Variants in JAKMIP2 observed in about 807,000 individuals in gnomAD.
The protein encoded by JAKMIP2 is janus kinase and microtubule interacting protein 2.
In JAKMIP2, 25 loss-of-function variants were observed where a neutral mutation model predicts 115.0. The observed-to-expected ratio is 0.22, with a 90% confidence interval of 0.16 to 0.30. JAKMIP2 has a LOEUF of 0.30. JAKMIP2 is among the 10% of genes least tolerant of loss of function. JAKMIP2 has a pLI of 1.00. For missense variants in JAKMIP2, 642 were observed against 957.6 expected (o/e 0.67, Z 4.35); for synonymous variants, 334 against 343.6 (o/e 0.97, Z 0.31).
chr5:147,623,140 C>T (rs1269508573), intron 17 of JAKMIP2, among the ~76,000 whole-genome samples: 1 of 151,842 alleles, frequency 6.6e-6, no homozygotes, highest in Non-Finnish European at 1.5e-5. Context: ...GTCTCCAACT[C>T]TTGCGCTCAA....
intron 1 of JAKMIP2, among the ~76,000 whole-genome samples, chr5:147,718,590 C>T (rs972953307): frequency 1.5e-4 from 22 of 151,248 alleles, no homozygotes; most frequent in Non-Finnish European, 2.2e-4. Context: ...GTGTATGTGT[C>T]GAGGAATTTA....
At chr5:147,673,455 C>A (rs145454570) in intron 1 of JAKMIP2, among the ~76,000 whole-genome samples, 34 of 152,256 alleles carry the variant, frequency 2.2e-4, no homozygotes, top group African/African-American at 7.5e-4. Flanking sequence ...TGCTGGGATC[C>A]TGGGCTTTGT....
chr5:147,611,479 C>T lies in JAKMIP2; in HGVS notation c.2412+827G>A, dbSNP rs377166207. Reference sequence around the variant, plus strand: ...TTGCGCTTCTTGGGTGAGGCAACACCCCACCCTGCTTTGGCTTGCCCTCCG... The same window carrying T: ...TTGCGCTTCTTGGGTGAGGCAACACTCCACCCTGCTTTGGCTTGCCCTCCG... On this transcript the variant is annotated intron_variant, in intron 20 of 21. Transcript: ENST00000616793. 3.6e-4 allele frequency among the ~76,000 whole-genome samples: 55 copies of T among 152,232 alleles called. 1 individual carries two copies. The East Asian group carries it at 9.9e-3, about 27-fold the overall frequency.
chr5:147,679,869 G>A (rs893880954), intron 1 of JAKMIP2, among the ~76,000 whole-genome samples: 1 of 152,134 alleles, frequency 6.6e-6, no homozygotes, highest in Non-Finnish European at 1.5e-5. Context: ...CTACAGAGGT[G>A]GCAAAGGTGT....
rs1461320678 is a variant in JAKMIP2, at chr5:147,631,437, G to T, written c.1851C>A (p.Ile617=). 4 of 1,607,736 alleles carry T rather than the reference G, an allele frequency of 2.5e-6. No homozygotes were observed. In the Admixed American group the frequency reaches 6.7e-5, roughly 27 times the overall value. ...PFSDGVSALQ[I]YCMKEGVKDV... is the part of the protein sequence containing the mutation. ...CCTTAACACCTTCTTTCATACAGTA[G>T]ATCTGTAGAGCACTCACACCATCTG... The change falls in exon 14 of 22, where the codon ATC becomes ATA. Residue 617 remains isoleucine (I), a synonymous_variant. Coordinates refer to ENST00000616793, the MANE Select transcript of JAKMIP2 (RefSeq NM_001270941.2).
intron 1 of JAKMIP2, among the ~76,000 whole-genome samples, chr5:147,747,322 A>T (rs999798994): frequency 6.6e-6 from 1 of 152,136 alleles, no homozygotes; most frequent in Non-Finnish European, 1.5e-5. Flanking sequence ...TACAAGAAAA[A>T]TGCTTAAAAC....
At chr5:147,593,935 T>G (rs1755223517) in intron 21 of JAKMIP2, among the ~76,000 whole-genome samples, 1 of 152,228 alleles carries the variant, frequency 6.6e-6, no homozygotes, top group Non-Finnish European at 1.5e-5. Context: ...ACACAAAAAG[T>G]CTTTTACTTG....
At chr5:147,672,177 A>C (rs905880775) in intron 1 of JAKMIP2, among the ~76,000 whole-genome samples, 2 of 152,040 alleles carry the variant, frequency 1.3e-5, no homozygotes, top group Admixed American at 1.3e-4. Context: ...TGAAGCATAA[A>C]TCCTTCATCC....
At chr5:147,691,518 C>T (rs911148423) in intron 1 of JAKMIP2, among the ~76,000 whole-genome samples, 5 of 152,290 alleles carry the variant, frequency 3.3e-5, no homozygotes, top group East Asian at 3.9e-4. Context: ...CTCACCTCAC[C>T]TTTTATATGA....
intron 1 of JAKMIP2, among the ~76,000 whole-genome samples, chr5:147,754,999 G>A (rs921379349): frequency 5.3e-5 from 8 of 152,128 alleles, no homozygotes; most frequent in Middle Eastern, 3.2e-3. Flanking sequence ...TCAGTGTAAG[G>A]CTTGCAAAGT....
chr5:147,762,839 A>G (rs1754977100), intron 1 of JAKMIP2, among the ~76,000 whole-genome samples: 1 of 152,172 alleles, frequency 6.6e-6, no homozygotes, highest in Non-Finnish European at 1.5e-5. Flanking sequence ...TCCCAATGAT[A>G]TAATCCTAAC....
chr5:147,706,767 C>A (rs1362786604), intron 1 of JAKMIP2, among the ~76,000 whole-genome samples: 1 of 151,982 alleles, frequency 6.6e-6, no homozygotes, highest in African/African-American at 2.4e-5. Context: ...GATGCTCAAC[C>A]AATATACTGC....
intron 20 of JAKMIP2, among the ~76,000 whole-genome samples, chr5:147,603,495 TACC>T (rs1755822519): frequency 6.6e-6 from 1 of 152,220 alleles, no homozygotes; most frequent in African/African-American, 2.4e-5. Flanking sequence ...GGTGTTCACG[TACC>T]ACAAGGGAAG....
chr5:147,722,646 T>C (rs1355601783), intron 1 of JAKMIP2, among the ~76,000 whole-genome samples: 2 of 152,168 alleles, frequency 1.3e-5, no homozygotes, highest in Non-Finnish European at 2.9e-5. Flanking sequence ...ATGTCAGTCA[T>C]AGAAGGAAGG....
At chr5:147,770,422 T>C (rs1285316518) in intron 1 of JAKMIP2, among the ~76,000 whole-genome samples, 1 of 152,128 alleles carries the variant, frequency 6.6e-6, no homozygotes, top group African/African-American at 2.4e-5. Flanking sequence ...ATCCAGGCTG[T>C]CTACACAAAA....
At chr5:147,729,601 G>A (rs1017786605) in intron 1 of JAKMIP2, among the ~76,000 whole-genome samples, 1 of 151,918 alleles carries the variant, frequency 6.6e-6, no homozygotes, top group African/African-American at 2.4e-5. Context: ...GTGAAACCCC[G>A]TCTCTACTAG....
intron 1 of JAKMIP2, among the ~76,000 whole-genome samples, chr5:147,770,255 A>G (rs1032798538): frequency 2.0e-5 from 3 of 152,110 alleles, no homozygotes; most frequent in Admixed American, 6.6e-5. Flanking sequence ...CTTATCATAT[A>G]TATGTGATCC....
At chr5:147,733,164 T>C (rs1753796119) in intron 1 of JAKMIP2, among the ~76,000 whole-genome samples, 1 of 152,222 alleles carries the variant, frequency 6.6e-6, no homozygotes, top group African/African-American at 2.4e-5. Flanking sequence ...TCAGGAATGC[T>C]TATTGAGTAA....
At chr5:147,770,059 G>T (rs1409987980) in intron 1 of JAKMIP2, among the ~76,000 whole-genome samples, 1 of 152,038 alleles carries the variant, frequency 6.6e-6, no homozygotes, top group African/African-American at 2.4e-5. Flanking sequence ...CCTTTAAAAC[G>T]TATGTATATA....
Sources: gnomAD v4.1 joint callset for allele counts (sites outside exome capture counted in the v4.1 genomes callset) on GRCh38, gnomAD v4.1.1 for gene constraint, MANE v1.5 for transcripts, NCBI Gene and HGNC (gene_info 2026-07-23, HGNC 2026-07-21) for gene names.